The following NOS1 variants were observed in gnomAD, a reference collection of about 807,000 sequenced individuals.
The protein encoded by NOS1 is nitric oxide synthase 1, also known as NOS type I.
NOS1 carries 51 observed loss-of-function variants against 164.5 expected under a neutral mutation model. The observed-to-expected ratio is 0.31, with a 90% CI of 0.25 to 0.39. NOS1 has a LOEUF of 0.39. Among genes scored for constraint, NOS1 ranks in the 10% least tolerant of loss-of-function variants. NOS1 has a pLI of 1.00. For synonymous variants in NOS1, 719 were observed against 745.8 expected (o/e 0.96, Z 0.59); for missense variants, 1,362 against 1,885.6 (o/e 0.72, Z 5.14).
rs908771639 is a variant in NOS1, at chr12:117,311,636, G to A, written c.726-44C>T. On this transcript the variant is annotated intron_variant, in intron 2 of 28. Coordinates refer to ENST00000317775, the MANE Select transcript of NOS1 (RefSeq NM_000620.5). ...CAGGTGAGGAAGGGGACATCAGGAG[G>A]GACTTGCTGGTTGCTTTGACCTGGA... The A allele has an allele frequency of 2.5e-6, 4 of 1,574,842 alleles. No homozygotes were observed. The African/African-American group carries it at 4.0e-5, about 16-fold the overall frequency.
rs147878617 is a variant in NOS1, at chr12:117,329,084, G to A, written c.725+1261C>T. ...CTAATGGGATCCCTGATACATAAGC[G>A]GCCCTTTGATGACTGAGACATCATT... On this transcript the variant is annotated intron_variant, in intron 2 of 28. Coordinates refer to ENST00000317775, the MANE Select transcript of NOS1 (RefSeq NM_000620.5). Among the ~76,000 whole-genome samples the A allele has an allele frequency of 3.6e-3, 541 of 152,216 alleles. 7 individuals carry two copies. The highest frequency in any genetic ancestry group is 0.012 in the African/African-American group (514 of 41,528).
intron 1 of NOS1, among the ~76,000 whole-genome samples, chr12:117,339,715 G>T (rs9658267): frequency 6.6e-6 from 1 of 152,116 alleles, no homozygotes; most frequent in Non-Finnish European, 1.5e-5. Flanking sequence ...CAGGAGATTA[G>T]AGCTAAAAAG....
intron 1 of NOS1, among the ~76,000 whole-genome samples, chr12:117,340,215 G>C (rs1005717402): frequency 1.3e-5 from 2 of 151,994 alleles, no homozygotes; most frequent in East Asian, 1.9e-4. Context: ...TGTTGCTCAG[G>C]GTGGTCTCAA....
chr12:117,258,940 G>T, intron 15 of NOS1, 86 bp downstream of exon 15: 1 of 856,874 alleles, frequency 1.2e-6, no homozygotes, highest in Non-Finnish European at 1.9e-6. Flanking sequence ...CTACTGAATA[G>T]CAGGTGTAGG....
intron 2 of NOS1, among the ~76,000 whole-genome samples, chr12:117,326,816 C>T (rs1369896474): frequency 6.6e-6 from 1 of 152,168 alleles, no homozygotes; most frequent in East Asian, 1.9e-4. Context: ...GGAGAGGAGC[C>T]CCTTGGTGCT....
Position 117,262,448 on chromosome 12 carries a change from C to A in NOS1, c.2222+1441G>T, listed in dbSNP as rs1311842814. On this transcript the variant is annotated intron_variant, in intron 13 of 28. Transcript: ENST00000317775. ...GGAGGGAGAGAGAGAGAGAGAGAGA[C>A]AGAGAGAGGAGAGGGAGGGAGGGAG... 2.2e-4 allele frequency among the ~76,000 whole-genome samples: 15 copies of A among 67,818 alleles called. No homozygotes were observed. In the East Asian group the frequency reaches 5.7e-3, roughly 26 times the overall value. 44.5% of individuals were successfully genotyped at this position (67,818 alleles called of 152,430 possible). A position where few individuals can be genotyped will look rare whatever the true frequency, so the allele number is the denominator to read the frequency against.
intron 27 of NOS1, among the ~76,000 whole-genome samples, chr12:117,218,688 C>T (rs1258857794): frequency 6.6e-6 from 1 of 152,052 alleles, no homozygotes; most frequent in Non-Finnish European, 1.5e-5. Flanking sequence ...CATCTTTGCT[C>T]AACATTGCCC....
chr12:117,231,287 C>T (rs1348711375), intron 22 of NOS1, among the ~76,000 whole-genome samples: 1 of 151,202 alleles, frequency 6.6e-6, no homozygotes, highest in East Asian at 1.9e-4. Flanking sequence ...CACGGCACTC[C>T]AGCCTGGGCT....
At chr12:117,357,334 C>T (rs1017962278) in intron 1 of NOS1, among the ~76,000 whole-genome samples, 14 of 152,108 alleles carry the variant, frequency 9.2e-5, no homozygotes, top group Admixed American at 9.2e-4. Flanking sequence ...AGGGCTGACA[C>T]CCAGCAAGGT....
intron 1 of NOS1, among the ~76,000 whole-genome samples, chr12:117,336,291 T>C (rs1304194296): frequency 2.0e-5 from 3 of 152,154 alleles, no homozygotes; most frequent in African/African-American, 7.2e-5. Context: ...CATTGAAAGA[T>C]GAAGAATGTT....
intron 16 of NOS1, chr12:117,255,959 A>G: frequency 6.7e-7 from 1 of 1,492,644 alleles, no homozygotes; most frequent in Non-Finnish European, 8.9e-7. Flanking sequence ...CACGGGCTGC[A>G]GCCAGACCGT....
chr12:117,354,353 T>C (rs1458431622), intron 1 of NOS1, among the ~76,000 whole-genome samples: 2 of 152,212 alleles, frequency 1.3e-5, no homozygotes, highest in Non-Finnish European at 2.9e-5. Context: ...TTTCAGTGAC[T>C]ACCATGATAT....
chr12:117,305,080 G>A, intron 3 of NOS1: 2 of 985,390 alleles, frequency 2.0e-6, no homozygotes, highest in Non-Finnish European at 2.4e-6. Context: ...TGCAGGTAGT[G>A]GCTGGGTTCC....
chr12:117,297,251 G>A (rs763084496), intron 3 of NOS1, among the ~76,000 whole-genome samples: 30 of 152,216 alleles, frequency 2.0e-4, no homozygotes, highest in Non-Finnish European at 3.4e-4. Context: ...GTAGCCATGG[G>A]GTTGGAATGC....
In NOS1 at chr12:117,243,324, C is replaced by T; in HGVS notation, c.2935G>A (p.Val979Met). ...WKRNKFRLTFVAEAPELTQGL... is the reference protein window; with the variant it reads ...WKRNKFRLTFMAEAPELTQGL... ...TGTGTGAGTTCTGGAGCTTCGGCCA[C>T]AAAGGTGAGGCGGAACTTGTTTCTC... Residue 979 changes from valine to methionine, a missense_variant, in exon 19 of 29, where the codon GTG becomes ATG. This residue lies in a region of NOS1 where 737 missense variants were observed against 1,030.3 expected (regional missense o/e 0.72). Coordinates refer to ENST00000317775, the MANE Select transcript of NOS1 (RefSeq NM_000620.5). The surrounding 1 kb of genome is among the most constrained non-coding windows in gnomAD (Gnocchi z 4.3). 6.2e-7 allele frequency: 1 copy of T among 1,614,182 alleles called. No individual in the cohort carries two copies. Among genetic ancestry groups the T allele is most frequent in the Non-Finnish European group, 8.5e-7 (1 of 1,180,038 alleles).
intron 3 of NOS1, among the ~76,000 whole-genome samples, chr12:117,306,422 G>C (rs941629524): frequency 5.9e-5 from 9 of 152,078 alleles, no homozygotes; most frequent in Admixed American, 1.3e-4. Context: ...AGTTTGTAGG[G>C]AGAATGGCCC....
intron 2 of NOS1, among the ~76,000 whole-genome samples, chr12:117,326,313 G>C (rs1363987888): frequency 6.6e-6 from 1 of 151,524 alleles, no homozygotes; most frequent in Non-Finnish European, 1.5e-5. Flanking sequence ...TGGAACCCGG[G>C]AGGCGGAGGT....
chr12:117,265,634 T>C, intron 11 of NOS1, 124 bp from the exon 12 acceptor site: 1 of 583,650 alleles, frequency 1.7e-6, no homozygotes. Context: ...CAGCGTGAAG[T>C]GAGATGGTGA....
At chr12:117,345,604 T>C (rs904537440) in intron 1 of NOS1, among the ~76,000 whole-genome samples, 2 of 152,192 alleles carry the variant, frequency 1.3e-5, no homozygotes, top group African/African-American at 4.8e-5. Flanking sequence ...GAACCATAGA[T>C]GATAATGTAC....
Sources: allele counts gnomAD v4.1 joint callset (sites outside exome capture counted in the v4.1 genomes callset), GRCh38; gene constraint gnomAD v4.1.1; regional missense constraint gnomAD v4.1.1; non-coding constraint Gnocchi (gnomAD v3.1); transcripts MANE v1.5; gene names NCBI Gene and HGNC (gene_info 2026-07-23, HGNC 2026-07-21).